STRIP1: variants seen among roughly 807,000 people sequenced by gnomAD.
STRIP1 encodes the protein striatin-interacting protein 1.
Under a neutral mutation model 106.2 loss-of-function variants are expected in STRIP1, and 63 were observed. The observed-to-expected ratio is 0.59, with a 90% confidence interval of 0.48 to 0.73. The LOEUF (loss-of-function observed/expected upper bound fraction) is 0.73. Among genes scored for constraint, STRIP1 ranks in the 30% least tolerant of loss-of-function variants. STRIP1 has a pLI of 0.00. For synonymous variants in STRIP1, 390 were observed against 413.0 expected (o/e 0.94, Z 0.67); for missense variants, 857 against 1,074.8 (o/e 0.80, Z 2.83).
chr1:110,050,904 G>C, intron 18 of STRIP1, 52 bp from the exon 19 acceptor site: 1 of 1,064,366 alleles, frequency 9.4e-7, no homozygotes, highest in South Asian at 1.3e-5. Context: ...TTTGGAAACT[G>C]CTGCACACAC....
chr1:110,037,280 A>G (rs547942656), intron 1 of STRIP1, among the ~76,000 whole-genome samples: 1 of 152,320 alleles, frequency 6.6e-6, no homozygotes, highest in Admixed American at 6.5e-5. Flanking sequence ...GTAATCACCT[A>G]TTTCCAGCAG....
At chr1:110,044,285 A>G (rs1193626801) in intron 10 of STRIP1, among the ~76,000 whole-genome samples, 3 of 152,234 alleles carry the variant, frequency 2.0e-5, no homozygotes, top group Non-Finnish European at 4.4e-5. Context: ...ATGGGACGGT[A>G]CCTGGAGATA....
Position 110,034,674 on chromosome 1 carries a change from G to T in STRIP1, c.37G>T (p.Val13Leu), listed in dbSNP as rs1343898268. The T allele has an allele frequency of 9.2e-6, 14 of 1,524,386 alleles. No individual in the cohort carries two copies. Among genetic ancestry groups the T allele is most frequent in the Middle Eastern group, 3.7e-4 (2 of 5,372 alleles). 94.4% of individuals were successfully genotyped at this position (1,524,386 alleles called of 1,614,324 possible). A position where few individuals can be genotyped will look rare whatever the true frequency, so the allele number is the denominator to read the frequency against. ...AGTCGGCGGTCCGGGCCCACTGATC[G>T]TGAACAACAAACAGCCCCAGCCCCC... ...PAVGGPGPLIVNNKQPQPPPP... is the reference protein window; with the variant it reads ...PAVGGPGPLILNNKQPQPPPP... Residue 13 changes from valine (V) to leucine (L), a missense_variant, in exon 1 of 21, where the codon GTG becomes TTG. Physicochemically the swap from Val to Leu is conservative, Grantham distance 32. Around this residue, in one of 2 missense-constraint regions of STRIP1, gnomAD observed 107 missense variants for 85.1 expected, o/e 1.26. Transcript: ENST00000369795.
chr1:110,044,296 T>C (rs747761030), intron 10 of STRIP1, among the ~76,000 whole-genome samples: 2 of 152,212 alleles, frequency 1.3e-5, no homozygotes, highest in African/African-American at 2.4e-5. Context: ...CCTGGAGATA[T>C]ATAAATGGTG....
At position 110,053,930 on chromosome 1, in the gene STRIP1, C is replaced by CCAA; in HGVS notation, c.*18_*19insCAA. 6.2e-7 allele frequency: 1 copy of CCAA among 1,613,444 alleles called. No individual in the cohort carries two copies. The highest frequency in any genetic ancestry group is 8.5e-7 in the Non-Finnish European group (1 of 1,179,708). ...TGCAGTGAGGCTGTTGGTTAGGGGA[C>CCAA]TGAAATGGAGAGAAAAGATGATCTG... On this transcript the variant is annotated 3_prime_UTR_variant, in exon 21 of 21. Transcript: ENST00000369795.
rs544750566 is a variant in STRIP1 at position 110,054,039 on chromosome 1, C to T, written c.*127C>T. The T allele has an allele frequency of 8.0e-5, 99 of 1,235,484 alleles. No individual in the cohort carries two copies. The highest frequency in any genetic ancestry group is 4.3e-4 in the African/African-American group (29 of 67,460). 76.5% of individuals were successfully genotyped at this position (1,235,484 alleles called of 1,614,324 possible). A position where few individuals can be genotyped will look rare whatever the true frequency, so the allele number is the denominator to read the frequency against. On this transcript the variant is annotated 3_prime_UTR_variant, in exon 21 of 21. Transcript: ENST00000369795. ...GGCAGCACAGCCCCACTGTGTCTTC[C>T]GCAGTCTGTCCTGGGCTTGGGTGAG...
chr1:110,044,947 C>A, intron 11 of STRIP1, 42 bp downstream of exon 11: 1 of 1,613,314 alleles, frequency 6.2e-7, no homozygotes, highest in Non-Finnish European at 8.5e-7. Context: ...GCTCTCCCGG[C>A]CTTTGGTGTT....
chr1:110,039,951 C>T (rs1570916147), intron 5 of STRIP1: 2 of 1,238,722 alleles, frequency 1.6e-6, no homozygotes, highest in East Asian at 5.6e-5. Context: ...AGCTGCTGCT[C>T]ATCTAAGGAT....
chr1:110,042,306 T>C (rs1160701384), intron 8 of STRIP1, among the ~76,000 whole-genome samples: 6 of 152,094 alleles, frequency 3.9e-5, no homozygotes, highest in Non-Finnish European at 8.8e-5. Flanking sequence ...TGTGTCTAGG[T>C]AGGGAGGGAC....
At chr1:110,049,618 C>T (rs2101783655) in intron 17 of STRIP1, 58 bp downstream of exon 17, 1 of 1,244,274 alleles carries the variant, frequency 8.0e-7, no homozygotes, top group South Asian at 1.2e-5. Context: ...GAGTTCCCAG[C>T]TGGTATTTCC....
chr1:110,046,344 AC>A (rs1653016416), intron 12 of STRIP1, among the ~76,000 whole-genome samples: 1 of 152,122 alleles, frequency 6.6e-6, no homozygotes, highest in Non-Finnish European at 1.5e-5. Flanking sequence ...TACTAAAAAT[AC>A]AAAAATTAGC....
rs1330050146 is a variant in STRIP1 at position 110,038,747 on chromosome 1, C to A, written c.315C>A (p.Phe105Leu). 1 of 1,613,918 alleles carries A rather than the reference C, an allele frequency of 6.2e-7. No homozygotes were observed. Among genetic ancestry groups the A allele is most frequent in the South Asian group, 1.1e-5 (1 of 91,080 alleles). The change falls in exon 3 of 21, where the codon TTC becomes TTA. Residue 105 changes from phenylalanine to leucine, a missense_variant. Physicochemically the swap from Phe to Leu is conservative, Grantham distance 22. Around this residue, in one of 2 missense-constraint regions of STRIP1, gnomAD observed 750 missense variants for 989.8 expected, o/e 0.76. Transcript: ENST00000369795. ...LMNRKCFEED[F>L]RIHVTDKKWT... is the part of the protein sequence containing the mutation. ...ATCGAAAATGCTTTGAGGAGGACTT[C>A]CGGATCCATGGTGAGATGATTTCCC...
chr1:110,032,874 T>C (rs757806401), upstream of STRIP1, among the ~76,000 whole-genome samples: 4 of 152,228 alleles, frequency 2.6e-5, no homozygotes, highest in Non-Finnish European at 5.9e-5. Context: ...AGATTGAACT[T>C]GTAAACATCA....
chr1:110,049,243 C>T lies in STRIP1; in HGVS notation c.1788+5C>T. On this transcript the variant is annotated splice_donor_5th_base_variant and intron_variant, in intron 16 of 20. Transcript: ENST00000369795. ...AAGTTGAACCATGTCTACCAGGTAC[C>T]CACAGGGCTTTCCCTCCTGTCCTGT... 1 of 1,614,048 alleles carries T rather than the reference C, an allele frequency of 6.2e-7. No homozygotes were observed. The highest frequency in any genetic ancestry group is 1.1e-5 in the South Asian group (1 of 91,072).
At chr1:110,050,465 GA>G in intron 18 of STRIP1, 56 bp downstream of exon 18, 2 of 1,503,776 alleles carry the variant, frequency 1.3e-6, no homozygotes, top group Non-Finnish European at 1.8e-6. Flanking sequence ...AGTGGGTAGA[GA>G]GCCTGCCTAC....
At chr1:110,033,119 A>T (rs960847106), upstream of STRIP1, among the ~76,000 whole-genome samples, 1 of 152,146 alleles carries the variant, frequency 6.6e-6, no homozygotes, top group Non-Finnish European at 1.5e-5. Context: ...GGAACTTTGC[A>T]GGGCTTCTCC....
chr1:110,039,791 C>T, intron 5 of STRIP1: 2 of 1,334,734 alleles, frequency 1.5e-6, no homozygotes, highest in Non-Finnish European at 2.0e-6. Flanking sequence ...CAGAAGGAGA[C>T]TCTTCACTTT....
intron 8 of STRIP1, 197 bp from the exon 9 acceptor site, chr1:110,042,891 G>C: frequency 1.8e-6 from 1 of 567,478 alleles, no homozygotes; most frequent in Non-Finnish European, 3.1e-6. Context: ...CTCTTTCCTT[G>C]TTCCTTTTTC....
chr1:110,034,934 G>A lies in STRIP1; in HGVS notation c.180+117G>A, dbSNP rs1255847220. On this transcript the variant is annotated intron_variant, in intron 1 of 20. Transcript: ENST00000369795. ...CCGGAGGGCTCGGTAGAGTCCGGCC[G>A]AGAACTGTCACTATACAGCGAAAGG... 1.2e-5 allele frequency: 12 copies of A among 1,023,472 alleles called. No individual in the cohort carries two copies. The Admixed American group carries it at 1.2e-4, about 11-fold the overall frequency. 63.4% of individuals were successfully genotyped at this position (1,023,472 alleles called of 1,614,324 possible). A position where few individuals can be genotyped will look rare whatever the true frequency, so the allele number is the denominator to read the frequency against.
Sources: gnomAD v4.1 joint callset for allele counts (sites outside exome capture counted in the v4.1 genomes callset) on GRCh38, gnomAD v4.1.1 for gene constraint, gnomAD v4.1.1 regional missense constraint, MANE v1.5 for transcripts, NCBI Gene and HGNC (gene_info 2026-07-23, HGNC 2026-07-21) for gene names.